The following SBNO1 variants were observed in gnomAD, a reference collection of about 807,000 sequenced individuals.
The protein encoded by SBNO1 is protein strawberry notch homolog 1.
Under a neutral mutation model 173.6 loss-of-function variants are expected in SBNO1, and 23 were observed. The ratio of observed to expected loss-of-function variants is 0.13; its 90% CI spans 0.10 to 0.19. The LOEUF (loss-of-function observed/expected upper bound fraction) is 0.19. Among genes scored for constraint, SBNO1 ranks in the 10% least tolerant of loss-of-function variants. The pLI is 1.00. For synonymous variants in SBNO1, 632 were observed against 571.5 expected (o/e 1.11, Z -1.51); for missense variants, 1,238 against 1,671.2 (o/e 0.74, Z 4.52).
At chr12:123,318,428 CA>C (rs1381144669) in intron 20 of SBNO1, among the ~76,000 whole-genome samples, 2 of 151,440 alleles carry the variant, frequency 1.3e-5, no homozygotes, top group Non-Finnish European at 2.9e-5. Context: ...CCTTCTCAAA[CA>C]AAGTCTACAG....
rs1339138887 is a variant in SBNO1, at chr12:123,290,753, T to C, written c.*5155A>G. The C allele has an allele frequency of 2.6e-5, 4 of 152,324 alleles. No homozygotes were observed. The highest frequency in any genetic ancestry group is 5.9e-5 in the Non-Finnish European group (4 of 68,112). The allele number at this position is 152,324 out of a possible 1,614,324, so 9.4% of individuals were successfully genotyped here. On this transcript the variant is annotated 3_prime_UTR_variant, in exon 32 of 32. Coordinates refer to ENST00000602398, the MANE Select transcript of SBNO1 (RefSeq NM_001167856.3). ...TGTACATTCTCTCTCTTTTTTTTTT[T>C]TCGAGACGGAGTCTCGGTCTGTTGC...
At position 123,291,999 on chromosome 12, in the gene SBNO1, G is replaced by A. The variant is rs568713065; in HGVS notation, c.*3909C>T. 1 of 149,452 alleles carries A rather than the reference G, an allele frequency of 6.7e-6. No homozygotes were observed. Among genetic ancestry groups the A allele is most frequent in the African/African-American group, 2.5e-5 (1 of 40,740 alleles). The allele number at this position is 149,452 out of a possible 1,614,324, so 9.3% of individuals were successfully genotyped here. On this transcript the variant is annotated 3_prime_UTR_variant, in exon 32 of 32. Coordinates refer to ENST00000602398, the MANE Select transcript of SBNO1 (RefSeq NM_001167856.3). Reference sequence around the variant, plus strand: ...CTTAAAAGACACTGCATTTGTATCAGACAACTGGCATTCAATGAGACATTT... The same window carrying A: ...CTTAAAAGACACTGCATTTGTATCAAACAACTGGCATTCAATGAGACATTT...
chr12:123,340,472 T>C (rs1201646889), intron 5 of SBNO1, among the ~76,000 whole-genome samples: 1 of 151,508 alleles, frequency 6.6e-6, no homozygotes, highest in African/African-American at 2.4e-5. Context: ...TCCCAGCTAC[T>C]TGAGAGGCTG....
Position 123,348,035 on chromosome 12 carries a change from A to G in SBNO1, c.231T>C (p.Asn77=). 1.3e-6 allele frequency: 2 copies of G among 1,587,350 alleles called. No homozygotes were observed. Among genetic ancestry groups the G allele is most frequent in the Non-Finnish European group, 1.7e-6 (2 of 1,157,190 alleles). The change falls in exon 3 of 32, where the codon AAT becomes AAC. Residue 77 remains asparagine (N), a synonymous_variant. Transcript: ENST00000602398. ...PETVPTPALL[N]VRQQPPSTTT... Reference sequence around the variant, plus strand: ...GAATCTAAATCATTCTTACCCTCACATTTAATAGTGCTGGAGTAGGTACAG... The same window carrying G: ...GAATCTAAATCATTCTTACCCTCACGTTTAATAGTGCTGGAGTAGGTACAG...
chr12:123,307,352 T>C (rs1465044850), intron 28 of SBNO1, among the ~76,000 whole-genome samples: 1 of 149,436 alleles, frequency 6.7e-6, no homozygotes, highest in Non-Finnish European at 1.5e-5. Flanking sequence ...TGAAGGAAGG[T>C]GGGAAAAAAA....
chr12:123,360,591 C>T (rs745387597), intron 1 of SBNO1, among the ~76,000 whole-genome samples: 2 of 151,646 alleles, frequency 1.3e-5, no homozygotes, highest in Non-Finnish European at 2.9e-5. Flanking sequence ...ATTATAGGTG[C>T]GGATCACCAC....
At chr12:123,324,358 G>C (rs1870358092) in intron 15 of SBNO1, among the ~76,000 whole-genome samples, 1 of 145,712 alleles carries the variant, frequency 6.9e-6, no homozygotes, top group Non-Finnish European at 1.5e-5. Flanking sequence ...GAGTCTCTCT[G>C]TCACCCAGGC....
At chr12:123,297,237 C>G (rs937354593) in intron 31 of SBNO1, among the ~76,000 whole-genome samples, 6 of 144,724 alleles carry the variant, frequency 4.1e-5, no homozygotes, top group African/African-American at 1.5e-4. Flanking sequence ...TGGTGCATGC[C>G]TGTAATCCCA....
Position 123,326,196 on chromosome 12 carries a change from T to C in SBNO1, c.1831A>G (p.Lys611Glu). The C allele has an allele frequency of 6.2e-7, 1 of 1,612,430 alleles. No individual in the cohort carries two copies. Among genetic ancestry groups the C allele is most frequent in the Non-Finnish European group, 8.5e-7 (1 of 1,179,016 alleles). Residue 611 changes from lysine to glutamate, a missense_variant, in exon 14 of 32, where the codon AAA (lysine) becomes GAA (glutamate). Physicochemically the swap from Lys to Glu is moderately conservative, Grantham distance 56 (BLOSUM62 1). Around this residue, in one of 14 missense-constraint regions of SBNO1, gnomAD observed 182 missense variants for 339.9 expected, o/e 0.54. Coordinates refer to ENST00000602398, the MANE Select transcript of SBNO1 (RefSeq NM_001167856.3). ...TCTCGAGCTAGTTGCACAACCCTTT[T>C]AACTTTGGATGCTATGCATAAGTAT... The part of the protein sequence containing the change: ...FKYLCIASKV[K>E]RVVQLAREEI...
At chr12:123,322,296 A>G (rs1039958593) in intron 16 of SBNO1, among the ~76,000 whole-genome samples, 3 of 151,062 alleles carry the variant, frequency 2.0e-5, no homozygotes, top group South Asian at 2.1e-4. Flanking sequence ...CCATGACCAG[A>G]TATTTTTTTT....
chr12:123,294,638 AAAAAAAAAAAAAAAAAAAAAAAAG>A lies in SBNO1; in HGVS notation c.*1246_*1269del, dbSNP rs2048562219. The A allele has an allele frequency of 2.3e-5, 1 of 44,042 alleles. No homozygotes were observed. The highest frequency in any genetic ancestry group is 4.4e-5 in the African/African-American group (1 of 22,930). 2.7% of individuals were successfully genotyped at this position (44,042 alleles called of 1,614,324 possible). On this transcript the variant is annotated 3_prime_UTR_variant, in exon 32 of 32. Coordinates refer to ENST00000602398, the MANE Select transcript of SBNO1 (RefSeq NM_001167856.3). ...CAATAGTGCAACCTGTGGAAGCAAAAAAAAAAAAAAAAAAAAAAAAAAAGAAAAAAAGAAAAGAAAGAAAAAGAA... is the reference window on the plus strand; with the variant it reads ...CAATAGTGCAACCTGTGGAAGCAAAAAAAAAAAGAAAAGAAAGAAAAAGAA...
Position 123,327,504 on chromosome 12 carries a change from A to G in SBNO1, c.1614T>C (p.Phe538=). The G allele has an allele frequency of 5.6e-6, 9 of 1,613,884 alleles. No homozygotes were observed. The highest frequency in any genetic ancestry group is 7.6e-6 in the Non-Finnish European group (9 of 1,179,752). ...CCTCAATTTTGAAGGTCACTCCAGTAAAGCTCAGTTGTCGAGCAATGTACA... is the reference window on the plus strand; with the variant it reads ...CCTCAATTTTGAAGGTCACTCCAGTGAAGCTCAGTTGTCGAGCAATGTACA... The part of the protein sequence containing the change: ...RGMYIARQLS[F]TGVTFKIEEV... Residue 538 remains phenylalanine, a synonymous_variant, in exon 13 of 32, where the codon TTT becomes TTC. Coordinates refer to ENST00000602398, the MANE Select transcript of SBNO1 (RefSeq NM_001167856.3).
intron 1 of SBNO1, among the ~76,000 whole-genome samples, chr12:123,356,621 T>C (rs964216245): frequency 2.0e-5 from 3 of 152,208 alleles, no homozygotes; most frequent in African/African-American, 7.2e-5. Context: ...TTTTTGTATT[T>C]TTAGTAGACA....
At chr12:123,298,990 AG>A (rs1176253838) in intron 30 of SBNO1, among the ~76,000 whole-genome samples, 1 of 152,186 alleles carries the variant, frequency 6.6e-6, no homozygotes, top group African/African-American at 2.4e-5. Context: ...TGGGAGGCTG[AG>A]GCATGCAGAC....
At chr12:123,349,324 A>C (rs1593408494) in intron 2 of SBNO1, among the ~76,000 whole-genome samples, 1 of 151,830 alleles carries the variant, frequency 6.6e-6, no homozygotes, top group Non-Finnish European at 1.5e-5. Context: ...CTGGTCTCAA[A>C]CTCCTGGGCT....
intron 19 of SBNO1, 103 bp downstream of exon 19, chr12:123,320,329 G>C: frequency 8.9e-7 from 1 of 1,129,482 alleles, no homozygotes; most frequent in Non-Finnish European, 1.3e-6. Context: ...AGAATTCTAT[G>C]ATCTAAGAAA....
rs376169942 is a variant in SBNO1 at position 123,361,069 on chromosome 12, C to A, written c.-1+3632G>T. Among the ~76,000 whole-genome samples the A allele has an allele frequency of 3.9e-5, 6 of 152,100 alleles. No individual in the cohort carries two copies. The South Asian group carries it at 6.2e-4, about 16-fold the overall frequency. ...AACAATCCTGGTCAAAATGGTAAAA[C>A]CTCGTCTCTGCTAAAAATACAAAAA... On this transcript the variant is annotated intron_variant, in intron 1 of 31. Coordinates refer to ENST00000602398, the MANE Select transcript of SBNO1 (RefSeq NM_001167856.3).
chr12:123,330,659 A>T, intron 8 of SBNO1, 150 bp from the exon 9 acceptor site: 1 of 588,942 alleles, frequency 1.7e-6, no homozygotes, highest in South Asian at 2.2e-5. Context: ...CATCCCACTG[A>T]GTGCAGTGGC....
In SBNO1 at chr12:123,290,409, C is replaced by A. The variant is rs945275929; in HGVS notation, c.*5499G>T. 6.6e-6 allele frequency: 1 copy of A among 152,228 alleles called. No individual in the cohort carries two copies. Among genetic ancestry groups the A allele is most frequent in the African/African-American group, 2.4e-5 (1 of 41,460 alleles). 9.4% of individuals were successfully genotyped at this position (152,228 alleles called of 1,614,324 possible). A position where few individuals can be genotyped will look rare whatever the true frequency, so the allele number is the denominator to read the frequency against. ...GCAATCCTTGAAAGTTATAAAGGAACATTTTCTTACAGGTGCAAAATTGTG... is the reference window on the plus strand; with the variant it reads ...GCAATCCTTGAAAGTTATAAAGGAAAATTTTCTTACAGGTGCAAAATTGTG... On this transcript the variant is annotated 3_prime_UTR_variant, in exon 32 of 32. Transcript: ENST00000602398.
Sources: gnomAD v4.1 joint callset for allele counts (sites outside exome capture counted in the v4.1 genomes callset) on GRCh38, gnomAD v4.1.1 for gene constraint, gnomAD v4.1.1 regional missense constraint, MANE v1.5 for transcripts, NCBI Gene and HGNC (gene_info 2026-07-23, HGNC 2026-07-21) for gene names.